Variants in FOXO1 observed in about 807,000 individuals in gnomAD.
FOXO1 encodes forkhead box O1, also known as forkhead box protein O1.
In FOXO1, 6 loss-of-function variants were observed where a neutral mutation model predicts 44.1. The observed-to-expected ratio is 0.14, with a 90% CI of 0.07 to 0.27. The LOEUF is 0.27. Among genes scored for constraint, FOXO1 ranks in the 10% least tolerant of loss-of-function variants. FOXO1 has a pLI of 1.00. For synonymous variants in FOXO1, 380 were observed against 362.7 expected (o/e 1.05, Z -0.54); for missense variants, 737 against 888.8 (o/e 0.83, Z 2.17).
At chr13:40,619,425 T>C in intron 1 of FOXO1, 1 of 1,028,278 alleles carries the variant, frequency 9.7e-7, no homozygotes, top group East Asian at 2.5e-5. Flanking sequence ...CAACTCAAAG[T>C]GGACAAAATG....
At chr13:40,658,621 G>GA (rs531429764) in intron 1 of FOXO1, among the ~76,000 whole-genome samples, 124 of 152,328 alleles carry the variant, frequency 8.1e-4, no homozygotes, top group African/African-American at 2.9e-3. Flanking sequence ...ATAGGAGAAG[G>GA]AAAAATAAGC....
intron 1 of FOXO1, among the ~76,000 whole-genome samples, chr13:40,571,761 G>A (rs1211807360): frequency 1.3e-5 from 2 of 152,148 alleles, no homozygotes; most frequent in East Asian, 3.8e-4. Flanking sequence ...ATCTTTGTCT[G>A]TTTTATAGGC....
intron 1 of FOXO1, among the ~76,000 whole-genome samples, chr13:40,661,878 AT>A (rs1271522199): frequency 6.6e-6 from 1 of 152,198 alleles, no homozygotes; most frequent in Non-Finnish European, 1.5e-5. Context: ...TATCTTAAAA[AT>A]AAAAAGCTTT....
At chr13:40,567,376 C>T (rs192114746) in intron 1 of FOXO1, among the ~76,000 whole-genome samples, 1 of 152,080 alleles carries the variant, frequency 6.6e-6, no homozygotes, top group East Asian at 1.9e-4. Context: ...GTCAATACAT[C>T]TCATTCCATC....
At chr13:40,636,517 C>CTTTTTT (rs376651061) in intron 1 of FOXO1, among the ~76,000 whole-genome samples, 4 of 121,944 alleles carry the variant, frequency 3.3e-5, no homozygotes, top group East Asian at 5.0e-4. Flanking sequence ...TTTTCAAAAA[C>CTTTTTT]TTTTTTTTTT....
intron 1 of FOXO1, among the ~76,000 whole-genome samples, chr13:40,620,672 G>A (rs1195363261): frequency 6.6e-6 from 1 of 152,050 alleles, no homozygotes; most frequent in African/African-American, 2.4e-5. Flanking sequence ...CAAGGAGACA[G>A]CACTGAAATG....
At chr13:40,652,075 A>C (rs1336404143) in intron 1 of FOXO1, among the ~76,000 whole-genome samples, 1 of 152,126 alleles carries the variant, frequency 6.6e-6, no homozygotes, top group East Asian at 1.9e-4. Context: ...TGCCAAGTAC[A>C]CAAACAACCC....
chr13:40,665,981 C>T lies in FOXO1; in HGVS notation c.232G>A (p.Glu78Lys). Residue 78 changes from glutamate (E) to lysine (K), a missense_variant, in exon 1 of 3, where the codon GAG becomes AAG. Physicochemically the swap from Glu to Lys is moderately conservative, Grantham distance 56. Around this residue, in one of 7 missense-constraint regions of FOXO1, gnomAD observed 213 missense variants for 236.4 expected, o/e 0.90. Transcript: ENST00000379561. Reference sequence around the variant, plus strand: ...GCCTGCGGGAAGTCCTCGCTCTCCTCCAGCAAGCTCAGGTTGCTCATGAAG... The same window carrying T: ...GCCTGCGGGAAGTCCTCGCTCTCCTTCAGCAAGCTCAGGTTGCTCATGAAG... The part of the protein sequence containing the change: ...ADFMSNLSLL[E>K]ESEDFPQAPG... 8.0e-7 allele frequency: 1 copy of T among 1,244,660 alleles called. No homozygotes were observed. Among genetic ancestry groups the T allele is most frequent in the Middle Eastern group, 2.8e-4 (1 of 3,580 alleles). The allele number at this position is 1,244,660 out of a possible 1,614,324, so 77.1% of individuals were successfully genotyped here.
intron 1 of FOXO1, among the ~76,000 whole-genome samples, chr13:40,606,217 A>G (rs1471372597): frequency 1.3e-5 from 2 of 152,316 alleles, no homozygotes; most frequent in East Asian, 1.9e-4. Flanking sequence ...AGACTACACC[A>G]TATCTCTCTC....
chr13:40,597,949 T>C (rs1228369459), intron 1 of FOXO1, among the ~76,000 whole-genome samples: 2 of 152,192 alleles, frequency 1.3e-5, no homozygotes, highest in African/African-American at 4.8e-5. Flanking sequence ...TAACCTGTTA[T>C]GGTGGCGGGC....
At chr13:40,600,407 G>C (rs1191324070) in intron 1 of FOXO1, among the ~76,000 whole-genome samples, 1 of 152,182 alleles carries the variant, frequency 6.6e-6, no homozygotes, top group African/African-American at 2.4e-5. Flanking sequence ...CACTCACATA[G>C]ATTAGTAAAA....
At chr13:40,631,202 C>T (rs562015629) in intron 1 of FOXO1, among the ~76,000 whole-genome samples, 134 of 152,246 alleles carry the variant, frequency 8.8e-4, no homozygotes, top group South Asian at 1.7e-3. Context: ...AGTATTTATG[C>T]TGCAACTTTT....
At chr13:40,617,542 G>A (rs1371217189) in intron 1 of FOXO1, among the ~76,000 whole-genome samples, 2 of 151,946 alleles carry the variant, frequency 1.3e-5, no homozygotes, top group South Asian at 2.1e-4. Context: ...CAGGTAATAC[G>A]TCCCCAGCAT....
intron 1 of FOXO1, among the ~76,000 whole-genome samples, chr13:40,598,234 T>C (rs1323579237): frequency 2.0e-5 from 3 of 152,300 alleles, no homozygotes; most frequent in South Asian, 4.1e-4. Flanking sequence ...AGGTGGAATA[T>C]GGCACAGGGT....
chr13:40,603,260 G>A (rs1386686521), intron 1 of FOXO1, among the ~76,000 whole-genome samples: 3 of 148,706 alleles, frequency 2.0e-5, no homozygotes, highest in Non-Finnish European at 4.4e-5. Context: ...GCTTTTGGCA[G>A]TCAATGCTCT....
intron 1 of FOXO1, among the ~76,000 whole-genome samples, chr13:40,629,878 T>C (rs7323267): frequency 0.15 from 22,897 of 152,068 alleles, 2,253 homozygotes; most frequent in South Asian, 0.27. Flanking sequence ...GTTGAGAAGG[T>C]TCAAGGCAAC....
At chr13:40,621,316 C>A in intron 1 of FOXO1, 2 of 685,756 alleles carry the variant, frequency 2.9e-6, no homozygotes, top group Non-Finnish European at 4.5e-6. Flanking sequence ...TGTCAGCAGC[C>A]TGTTTTAGGG....
At chr13:40,570,223 T>C (rs974413767) in intron 1 of FOXO1, among the ~76,000 whole-genome samples, 4 of 150,192 alleles carry the variant, frequency 2.7e-5, no homozygotes, top group East Asian at 2.0e-4. Context: ...GGCAAGAAAA[T>C]TGCTTGAACT....
At chr13:40,648,060 T>C (rs532153581) in intron 1 of FOXO1, among the ~76,000 whole-genome samples, 2 of 152,290 alleles carry the variant, frequency 1.3e-5, no homozygotes, top group South Asian at 4.2e-4. Flanking sequence ...GAGTCACCAG[T>C]GCATAAGAAA....
Sources: gnomAD v4.1 joint callset for allele counts (sites outside exome capture counted in the v4.1 genomes callset) on GRCh38, gnomAD v4.1.1 for gene constraint, gnomAD v4.1.1 regional missense constraint, MANE v1.5 for transcripts, NCBI Gene and HGNC (gene_info 2026-07-23, HGNC 2026-07-21) for gene names.